ORC5: variants seen among roughly 807,000 people sequenced by gnomAD.
The protein encoded by ORC5 is origin recognition complex subunit 5.
A neutral mutation model predicts 58.8 loss-of-function variants in ORC5; 39 were observed. That is an observed-to-expected ratio of 0.66 (90% CI 0.51 to 0.87). ORC5 has a LOEUF of 0.87. Ranked by LOEUF, ORC5 falls within the 40% of genes least tolerant of loss-of-function variation. The pLI is 0.00. For missense variants in ORC5, 493 were observed against 506.3 expected (o/e 0.97, Z 0.25); for synonymous variants, 218 against 177.6 (o/e 1.23, Z -1.81).
At chr7:104,193,642 C>A (rs1286050260) in intron 5 of ORC5, among the ~76,000 whole-genome samples, 10 of 151,668 alleles carry the variant, frequency 6.6e-5, no homozygotes, top group African/African-American at 2.2e-4. Flanking sequence ...CCTGGTTCCA[C>A]ACTTAACCAT....
intron 8 of ORC5, among the ~76,000 whole-genome samples, chr7:104,183,427 G>C (rs558082355): frequency 6.6e-6 from 1 of 152,070 alleles, no homozygotes; most frequent in Non-Finnish European, 1.5e-5. Context: ...CAATGATTTT[G>C]GAGAAAAATC....
At chr7:104,182,586 G>C (rs976909665) in intron 8 of ORC5, among the ~76,000 whole-genome samples, 1 of 151,482 alleles carries the variant, frequency 6.6e-6, no homozygotes, top group African/African-American at 2.4e-5. Flanking sequence ...AGGAAATGTC[G>C]GTGTTACCGC....
At chr7:104,204,779 A>G (rs1238584560) in intron 1 of ORC5, among the ~76,000 whole-genome samples, 3 of 152,226 alleles carry the variant, frequency 2.0e-5, no homozygotes, top group Admixed American at 6.5e-5. Flanking sequence ...TAGATCACAT[A>G]AAACACTAAT....
chr7:104,179,972 G>C (rs983450620), intron 8 of ORC5, among the ~76,000 whole-genome samples: 29 of 152,080 alleles, frequency 1.9e-4, no homozygotes, highest in African/African-American at 6.5e-4. Flanking sequence ...ACTCTAAAAT[G>C]TTTGTCTTGA....
At chr7:104,197,949 T>C in intron 3 of ORC5, 150 bp from the exon 4 acceptor site, 1 of 538,990 alleles carries the variant, frequency 1.9e-6, no homozygotes, top group Non-Finnish European at 3.2e-6. Context: ...TAAAAGATGA[T>C]TAAGTCATAA....
chr7:104,179,539 G>GTT (rs199698766), intron 8 of ORC5, among the ~76,000 whole-genome samples: 1 of 147,146 alleles, frequency 6.8e-6, no homozygotes, highest in Non-Finnish European at 1.5e-5. Flanking sequence ...TTAGAAAGAA[G>GTT]TTTTTTTTTT....
chr7:104,170,327 C>T (rs1217351360), intron 8 of ORC5, among the ~76,000 whole-genome samples: 1 of 152,166 alleles, frequency 6.6e-6, no homozygotes, highest in Non-Finnish European at 1.5e-5. Flanking sequence ...TGAATACATT[C>T]TTATGGGGTA....
chr7:104,184,372 C>T (rs1213625875), intron 6 of ORC5: 8 of 558,730 alleles, frequency 1.4e-5, no homozygotes, highest in East Asian at 9.1e-5. Context: ...TGCTTGAGCC[C>T]AGGAGATCAA....
chr7:104,203,147 T>C (rs1799986567), intron 2 of ORC5, among the ~76,000 whole-genome samples: 1 of 152,112 alleles, frequency 6.6e-6, no homozygotes, highest in African/African-American at 2.4e-5. Flanking sequence ...GGGAGCAACA[T>C]GTGCCATGGC....
intron 13 of ORC5, among the ~76,000 whole-genome samples, chr7:104,131,366 G>A (rs1411769886): frequency 2.6e-5 from 4 of 151,996 alleles, no homozygotes; most frequent in Non-Finnish European, 5.9e-5. Flanking sequence ...TACAGCTCTT[G>A]CAACTCAAAT....
chr7:104,181,791 C>CAAA (rs34988883), intron 8 of ORC5, among the ~76,000 whole-genome samples: 55 of 85,810 alleles, frequency 6.4e-4, no homozygotes, highest in African/African-American at 2.2e-3. Context: ...GACTCCGTCT[C>CAAA]AAAAAAAAAA....
At chr7:104,169,030 T>A (rs773285873) in intron 8 of ORC5, among the ~76,000 whole-genome samples, 5 of 152,090 alleles carry the variant, frequency 3.3e-5, no homozygotes, top group Non-Finnish European at 7.4e-5. Context: ...TGCAGTGAGC[T>A]GAGATTGTGC....
chr7:104,127,735 T>C (rs902479310), intron 13 of ORC5, among the ~76,000 whole-genome samples: 9 of 152,344 alleles, frequency 5.9e-5, no homozygotes, highest in Admixed American at 2.0e-4. Flanking sequence ...TGTCTATCAT[T>C]TTGCAATATA....
intron 12 of ORC5, among the ~76,000 whole-genome samples, chr7:104,154,720 C>T (rs1385107251): frequency 2.0e-5 from 3 of 151,784 alleles, no homozygotes; most frequent in Non-Finnish European, 4.4e-5. Context: ...TGACTTTGAA[C>T]TTGAAATGTG....
intron 3 of ORC5, among the ~76,000 whole-genome samples, chr7:104,198,838 A>C (rs1248809193): frequency 6.6e-6 from 1 of 152,220 alleles, no homozygotes; most frequent in Non-Finnish European, 1.5e-5. Context: ...GAGGCCTAAG[A>C]GGGAAAAATG....
chr7:104,204,382 T>C (rs1387611313), intron 1 of ORC5, 148 bp from the exon 2 acceptor site: 3 of 587,302 alleles, frequency 5.1e-6, no homozygotes, highest in Admixed American at 3.4e-5. Context: ...CAACACACTT[T>C]GAACCTACTT....
chr7:104,197,261 G>C (rs1163249886), intron 4 of ORC5, among the ~76,000 whole-genome samples: 2 of 152,190 alleles, frequency 1.3e-5, no homozygotes, highest in South Asian at 2.1e-4. Context: ...GATGTTAAGT[G>C]AGGACTTACT....
intron 12 of ORC5, 119 bp downstream of exon 12, chr7:104,160,953 T>C (rs190518396): frequency 2.5e-4 from 162 of 644,490 alleles, no homozygotes; most frequent in African/African-American, 2.5e-3. Context: ...ACATGGTTCA[T>C]TATATAGTTA....
chr7:104,179,340 T>G (rs1002712138), intron 8 of ORC5, among the ~76,000 whole-genome samples: 1 of 152,182 alleles, frequency 6.6e-6, no homozygotes, highest in African/African-American at 2.4e-5. Context: ...TAACTAAAGA[T>G]CTAAGCATGT....
Sources: allele counts gnomAD v4.1 joint callset (sites outside exome capture counted in the v4.1 genomes callset), GRCh38; gene constraint gnomAD v4.1.1; transcripts MANE v1.5; gene names NCBI Gene and HGNC (gene_info 2026-07-23, HGNC 2026-07-21).